The following PCDHA1 variants were observed in gnomAD, a reference collection of about 807,000 sequenced individuals.
The protein encoded by PCDHA1 is protocadherin alpha 1.
Under a neutral mutation model 61.3 loss-of-function variants are expected in PCDHA1, and 42 were observed. The observed-to-expected ratio is 0.69, with a 90% confidence interval of 0.54 to 0.89. PCDHA1 has a LOEUF of 0.89. Among genes scored for constraint, PCDHA1 ranks in the 40% least tolerant of loss-of-function variants. PCDHA1 has a pLI of 0.00. For missense variants in PCDHA1, 1,256 were observed against 1,235.3 expected (o/e 1.02, Z -0.25); for synonymous variants, 610 against 553.8 (o/e 1.10, Z -1.43).
At position 140,791,648 on chromosome 5, in the gene PCDHA1, A is replaced by T. The variant is rs190208352; in HGVS notation, c.2394+2964A>T. Among the ~76,000 whole-genome samples the T allele has an allele frequency of 6.8e-4, 103 of 152,364 alleles. 2 individuals are homozygous for T. The highest frequency in any genetic ancestry group is 5.0e-4 in the Non-Finnish European group (34 of 68,036). Reference sequence around the variant, plus strand: ...TATTGTTGACACTTTTTACTAAGACATCTGACCGTTAAGCAGATTAGATAA... The same window carrying T: ...TATTGTTGACACTTTTTACTAAGACTTCTGACCGTTAAGCAGATTAGATAA... On this transcript the variant is annotated intron_variant, in intron 1 of 3. Coordinates refer to ENST00000504120, the MANE Select transcript of PCDHA1 (RefSeq NM_018900.4).
Position 140,796,479 on chromosome 5 carries a change from G to T in PCDHA1, c.2394+7795G>T, listed in dbSNP as rs139738142. 8.6e-4 allele frequency: 1,379 copies of T among 1,612,270 alleles called. 2 individuals are homozygous for T. The highest frequency in any genetic ancestry group is 6.8e-3 in the Middle Eastern group (33 of 4,888). ...GGCGGGTGGGCGAGCGCGCGTTGTC[G>T]AGCTACGTTTCGGTGCACGCGGAGA... is the stretch of plus-strand genomic sequence containing the variant. On this transcript the variant is annotated intron_variant, in intron 1 of 3. Transcript: ENST00000504120.
At chr5:140,800,669 G>A (rs1354961651) in intron 1 of PCDHA1, among the ~76,000 whole-genome samples, 7 of 152,140 alleles carry the variant, frequency 4.6e-5, no homozygotes, top group Non-Finnish European at 8.8e-5. Context: ...TTTATAAAAA[G>A]CGAATAATAT....
intron 1 of PCDHA1, chr5:140,875,499 G>A (rs782342111): frequency 1.9e-6 from 3 of 1,613,354 alleles, no homozygotes; most frequent in Non-Finnish European, 2.5e-6. Context: ...CAAGAGGCCC[G>A]GGATCCCAGC....
chr5:140,842,431 C>T (rs2150335989), intron 1 of PCDHA1: 4 of 1,613,646 alleles, frequency 2.5e-6, no homozygotes, highest in Non-Finnish European at 3.4e-6. Context: ...CTGTCATCGC[C>T]CTAATTAGCG....
intron 1 of PCDHA1, among the ~76,000 whole-genome samples, chr5:140,965,887 T>C (rs1357808186): frequency 6.6e-6 from 1 of 152,214 alleles, no homozygotes; most frequent in Non-Finnish European, 1.5e-5. Context: ...GAGAGCAGAA[T>C]TGAGTCTTGG....
chr5:140,934,429 T>C (rs1480259267), intron 1 of PCDHA1, among the ~76,000 whole-genome samples: 1 of 152,194 alleles, frequency 6.6e-6, no homozygotes, highest in African/African-American at 2.4e-5. Context: ...TCAATGCAAG[T>C]GTAAATATAG....
chr5:140,830,048 G>C lies in PCDHA1; in HGVS notation c.2394+41364G>C, dbSNP rs2150180232. 24 of 1,613,674 alleles carry C rather than the reference G, an allele frequency of 1.5e-5. No homozygotes were observed. The highest frequency in any genetic ancestry group is 1.6e-4 in the Middle Eastern group (1 of 6,080). ...CCACCGGCTGCTGGTGCTGGTGAAA[G>C]ACCACGGTGAGCCGGCGCTGACAGC... On this transcript the variant is annotated intron_variant, in intron 1 of 3. Coordinates refer to ENST00000504120, the MANE Select transcript of PCDHA1 (RefSeq NM_018900.4).
At chr5:140,935,358 A>C (rs2090329846) in intron 1 of PCDHA1, among the ~76,000 whole-genome samples, 1 of 152,220 alleles carries the variant, frequency 6.6e-6, no homozygotes, top group East Asian at 1.9e-4. Context: ...CCCAGTTTTC[A>C]TTAACGTCAA....
intron 1 of PCDHA1, among the ~76,000 whole-genome samples, chr5:140,908,808 A>C (rs781863210): frequency 6.6e-6 from 1 of 152,068 alleles, no homozygotes; most frequent in Non-Finnish European, 1.5e-5. Flanking sequence ...AAAAAGTGAG[A>C]GCCTTTTGGG....
intron 1 of PCDHA1, among the ~76,000 whole-genome samples, chr5:140,922,064 T>C (rs2080596272): frequency 6.6e-6 from 1 of 152,054 alleles, no homozygotes; most frequent in Non-Finnish European, 1.5e-5. Flanking sequence ...AATGTAGCAA[T>C]CCCACTAAGC....
chr5:140,788,491 C>T lies in PCDHA1; in HGVS notation c.2201C>T (p.Pro734Leu), dbSNP rs782302860. 1.3e-5 allele frequency: 21 copies of T among 1,613,966 alleles called. No homozygotes were observed. The highest frequency in any genetic ancestry group is 3.3e-4 in the Middle Eastern group (2 of 6,084). The change falls in exon 1 of 4, where the codon CCG becomes CTG. Residue 734 changes from proline (P) to leucine (L), a missense_variant. Physicochemically the swap from Pro to Leu is moderately conservative, Grantham distance 98 (BLOSUM62 -3). Transcript: ENST00000504120. ...SVPPTEGAYV[P>L]GKPTLVCSSA... ...CCGCCCACTGAGGGTGCGTATGTGC[C>T]GGGCAAGCCCACTCTGGTGTGCTCC...
chr5:140,861,377 G>T (rs2046888604), intron 1 of PCDHA1: 1 of 418,518 alleles, frequency 2.4e-6, no homozygotes, highest in South Asian at 2.0e-5. Context: ...TCCCTATTGC[G>T]CAGGACCTGG....
intron 1 of PCDHA1, chr5:140,861,255 C>T (rs533071435): frequency 3.0e-5 from 5 of 166,616 alleles, no homozygotes; most frequent in African/African-American, 4.8e-5. Context: ...GGCCAGGAAT[C>T]CCGGAGCCTA....
intron 1 of PCDHA1, among the ~76,000 whole-genome samples, chr5:140,970,923 C>T (rs1009753173): frequency 1.3e-5 from 2 of 152,032 alleles, no homozygotes; most frequent in African/African-American, 4.8e-5. Flanking sequence ...ATCAGAAGTG[C>T]CTGGTGTTAG....
rs2042039547 is a variant in PCDHA1 at position 140,851,365 on chromosome 5, CT to C, written c.2394+62682del. The C allele has an allele frequency of 3.1e-6, 3 of 976,302 alleles. 1 individual carries two copies. Among genetic ancestry groups the C allele is most frequent in the Non-Finnish European group, 3.7e-6 (3 of 804,962 alleles). The allele number at this position is 976,302 out of a possible 1,614,324, so 60.5% of individuals were successfully genotyped here. On this transcript the variant is annotated intron_variant, in intron 1 of 3. Transcript: ENST00000504120. Reference sequence around the variant, plus strand: ...TTCTCTGGATGGAGACTGTGAACATCTGATTGTTCAGCAACCTTCAGTATCT... The same window carrying C: ...TTCTCTGGATGGAGACTGTGAACATCGATTGTTCAGCAACCTTCAGTATCT...
At position 141,010,147 on chromosome 5, in the gene PCDHA1, C is replaced by A; in HGVS notation, c.*210C>A. ...AAGTCTGGTGTTAACTCTTTCTCTC[C>A]ACTCTGGCTTGTTTTCAGAACCTAA... On this transcript the variant is annotated 3_prime_UTR_variant, in exon 4 of 4. Coordinates refer to ENST00000504120, the MANE Select transcript of PCDHA1 (RefSeq NM_018900.4). 1 of 1,583,190 alleles carries A rather than the reference C, an allele frequency of 6.3e-7. No individual in the cohort carries two copies. Among genetic ancestry groups the A allele is most frequent in the Non-Finnish European group, 8.6e-7 (1 of 1,163,606 alleles).
At chr5:140,834,590 A>T in intron 1 of PCDHA1, 3 of 1,614,104 alleles carry the variant, frequency 1.9e-6, no homozygotes, top group Non-Finnish European at 2.5e-6. Context: ...CGGTGTGCAA[A>T]TTCCGTGGGG....
At chr5:140,869,695 A>G (rs2051335232) in intron 1 of PCDHA1, 1 of 1,613,342 alleles carries the variant, frequency 6.2e-7, no homozygotes, top group African/African-American at 1.3e-5. Context: ...TATTTTAAAG[A>G]AGTCTCTGGA....
rs139533789 is a variant in PCDHA1, at chr5:140,857,716, C to T, written c.2394+69032C>T. On this transcript the variant is annotated intron_variant, in intron 1 of 3. Coordinates refer to ENST00000504120, the MANE Select transcript of PCDHA1 (RefSeq NM_018900.4). Reference sequence around the variant, plus strand: ...TGACGCTGCAGGTGTTCGTGCTGGACGAGAACGACAACGCTCCCGCGCTGC... The same window carrying T: ...TGACGCTGCAGGTGTTCGTGCTGGATGAGAACGACAACGCTCCCGCGCTGC... 4,225 of 1,597,384 alleles carry T rather than the reference C, an allele frequency of 2.6e-3. 332 individuals are homozygous for T. The highest frequency in any genetic ancestry group is 8.2e-3 in the Middle Eastern group (46 of 5,608).
Sources: gnomAD v4.1 joint callset for allele counts (sites outside exome capture counted in the v4.1 genomes callset) on GRCh38, gnomAD v4.1.1 for gene constraint, MANE v1.5 for transcripts, NCBI Gene and HGNC (gene_info 2026-07-23, HGNC 2026-07-21) for gene names.